PAWR: variants seen among roughly 807,000 people sequenced by gnomAD.
PAWR encodes PRKC apoptosis WT1 regulator protein.
PAWR carries 23 observed loss-of-function variants against 32.0 expected under a neutral mutation model. The observed-to-expected ratio is 0.72, with a 90% CI of 0.52 to 1.02. The LOEUF is 1.02. Ranked by LOEUF, PAWR falls within the 50% of genes least tolerant of loss-of-function variation. The pLI is 0.00. For synonymous variants in PAWR, 226 were observed against 187.1 expected, an observed-to-expected ratio of 1.21 and a Z score of -1.70; for missense variants, 457 against 437.7, an observed-to-expected ratio of 1.04 and a Z score of -0.39.
chr12:79,616,394 C>T (rs1874735095), intron 3 of PAWR, among the ~76,000 whole-genome samples: 1 of 152,088 alleles, frequency 6.6e-6, no homozygotes, highest in Non-Finnish European at 1.5e-5. Context: ...ACTAGATTTA[C>T]TAATTTGTGG....
At chr12:79,685,545 G>T (rs1383032778) in intron 2 of PAWR, among the ~76,000 whole-genome samples, 1 of 152,078 alleles carries the variant, frequency 6.6e-6, no homozygotes, top group Admixed American at 6.5e-5. Flanking sequence ...TATGGAGTAG[G>T]TGTCATGACC....
Position 79,690,139 on chromosome 12 carries a change from G to A in PAWR, c.106C>T (p.Pro36Ser). 6.6e-7 allele frequency: 1 copy of A among 1,518,932 alleles called. No individual in the cohort carries two copies. Among genetic ancestry groups the A allele is most frequent in the Non-Finnish European group, 8.8e-7 (1 of 1,136,348 alleles). The allele number at this position is 1,518,932 out of a possible 1,614,324, so 94.1% of individuals were successfully genotyped here. A position where few individuals can be genotyped will look rare whatever the true frequency, so the allele number is the denominator to read the frequency against. The change falls in exon 2 of 7, where the codon CCC becomes TCC. Residue 36 changes from proline (P) to serine (S), a missense_variant. Pro to Ser is a moderately conservative substitution (Grantham distance 74, BLOSUM62 -1). Coordinates refer to ENST00000328827, the MANE Select transcript of PAWR (RefSeq NM_002583.4). ...KREKMRAKQN[P>S]PGPAPPGGGS... ...CCTCCCGGGGGGGCCGGGCCCGGGG[G>A]GTTCTGCTTGGCGCGCATCTTCTCG...
chr12:79,631,184 C>T (rs920402572), intron 2 of PAWR, among the ~76,000 whole-genome samples: 8 of 152,088 alleles, frequency 5.3e-5, no homozygotes, highest in African/African-American at 1.7e-4. Context: ...ATCAGAAAAA[C>T]CCATATCTAA....
chr12:79,642,254 T>C (rs1410059681), intron 2 of PAWR, among the ~76,000 whole-genome samples: 1 of 152,234 alleles, frequency 6.6e-6, no homozygotes, highest in Non-Finnish European at 1.5e-5. Context: ...GGAATCTATG[T>C]ATTTGGAAGA....
intron 2 of PAWR, among the ~76,000 whole-genome samples, chr12:79,668,929 CA>C (rs563269818): frequency 6.1e-4 from 93 of 152,324 alleles, no homozygotes; most frequent in Middle Eastern, 3.4e-3. Context: ...TCATCCCAAT[CA>C]AATACAAACA....
intron 4 of PAWR, among the ~76,000 whole-genome samples, chr12:79,601,794 T>C (rs1000258743): frequency 1.3e-5 from 2 of 152,222 alleles, no homozygotes; most frequent in Non-Finnish European, 2.9e-5. Flanking sequence ...TTCAAAGATC[T>C]AGTTCTAACA....
chr12:79,592,903 C>T (rs189522596), intron 6 of PAWR, among the ~76,000 whole-genome samples: 1 of 152,280 alleles, frequency 6.6e-6, no homozygotes, highest in Admixed American at 6.5e-5. Flanking sequence ...TAGGCCAACT[C>T]TTACAGATCT....
Position 79,689,778 on chromosome 12 carries a change from A to G in PAWR, c.467T>C (p.Leu156Pro). The change falls in exon 2 of 7, where the codon CTG (leucine) becomes CCG (proline). Residue 156 changes from leucine to proline, a missense_variant. By Grantham distance (98) the Leu-to-Pro change is moderately conservative. Coordinates refer to ENST00000328827, the MANE Select transcript of PAWR (RefSeq NM_002583.4). ...KGKGQIEKRK[L>P]REKRRSTGVV... ...GCCGGTGGAGCGCCGCTTCTCCCGC[A>G]GCTTCCTCTTCTCGATCTGCCCCTT... 6.3e-7 allele frequency: 1 copy of G among 1,590,330 alleles called. No individual in the cohort carries two copies. The highest frequency in any genetic ancestry group is 8.5e-7 in the Non-Finnish European group (1 of 1,169,702).
intron 3 of PAWR, among the ~76,000 whole-genome samples, chr12:79,615,638 G>C (rs1036728194): frequency 6.6e-6 from 1 of 152,124 alleles, no homozygotes; most frequent in Non-Finnish European, 1.5e-5. Context: ...CTACACTTTT[G>C]TACCAAACAC....
At chr12:79,651,203 A>T (rs1876828161) in intron 2 of PAWR, among the ~76,000 whole-genome samples, 1 of 152,230 alleles carries the variant, frequency 6.6e-6, no homozygotes, top group Admixed American at 6.5e-5. Context: ...ATAAAGCAAA[A>T]GGTTACATTT....
At chr12:79,608,726 CTG>C (rs1037792125) in intron 4 of PAWR, among the ~76,000 whole-genome samples, 8 of 152,286 alleles carry the variant, frequency 5.3e-5, no homozygotes, top group African/African-American at 1.9e-4. Context: ...TCTAAAATCA[CTG>C]TGTTATGCAA....
chr12:79,661,623 TA>T (rs897746151), intron 2 of PAWR, among the ~76,000 whole-genome samples: 4 of 152,166 alleles, frequency 2.6e-5, no homozygotes, highest in Admixed American at 6.5e-5. Flanking sequence ...ATTTTACACT[TA>T]AAAAAACTAT....
chr12:79,666,143 T>C (rs1316258005), intron 2 of PAWR, among the ~76,000 whole-genome samples: 1 of 152,200 alleles, frequency 6.6e-6, no homozygotes, highest in Non-Finnish European at 1.5e-5. Context: ...AGTGGAGTCC[T>C]TCCTTCACTT....
chr12:79,602,073 A>AT (rs1209206713), intron 4 of PAWR, among the ~76,000 whole-genome samples: 3 of 152,236 alleles, frequency 2.0e-5, no homozygotes, highest in African/African-American at 2.4e-5. Flanking sequence ...ATAAATCCGC[A>AT]TAGATGGACA....
chr12:79,655,549 T>C (rs1877055434), intron 2 of PAWR, among the ~76,000 whole-genome samples: 1 of 152,192 alleles, frequency 6.6e-6, no homozygotes, highest in South Asian at 2.1e-4. Flanking sequence ...GATTTTAACA[T>C]GTAGCTAAAA....
intron 4 of PAWR, among the ~76,000 whole-genome samples, chr12:79,597,440 T>TAA (rs1167066138): frequency 6.6e-6 from 1 of 152,044 alleles, no homozygotes; most frequent in Non-Finnish European, 1.5e-5. Context: ...CCAACACTTT[T>TAA]AAAAAGTAAA....
At chr12:79,627,761 T>G (rs906589274) in intron 2 of PAWR, among the ~76,000 whole-genome samples, 1 of 152,130 alleles carries the variant, frequency 6.6e-6, no homozygotes, top group African/African-American at 2.4e-5. Flanking sequence ...GAGCTAACTA[T>G]CCTAAATATA....
intron 2 of PAWR, among the ~76,000 whole-genome samples, chr12:79,681,664 T>G (rs764755714): frequency 6.6e-6 from 1 of 152,302 alleles, no homozygotes; most frequent in South Asian, 2.1e-4. Flanking sequence ...TTGGATTTAT[T>G]TCCATGAGAG....
chr12:79,686,048 C>T (rs1478915653), intron 2 of PAWR, among the ~76,000 whole-genome samples: 1 of 152,174 alleles, frequency 6.6e-6, no homozygotes, highest in East Asian at 1.9e-4. Flanking sequence ...ACATAAAGCA[C>T]TTTAGCCAAC....
Sources: gnomAD v4.1 joint callset for allele counts (sites outside exome capture counted in the v4.1 genomes callset) on GRCh38, gnomAD v4.1.1 for gene constraint, MANE v1.5 for transcripts, NCBI Gene and HGNC (gene_info 2026-07-23, HGNC 2026-07-21) for gene names.